The following PLCG2 variants were observed in gnomAD, a reference collection of about 807,000 sequenced individuals.
PLCG2 encodes 1-phosphatidylinositol 4,5-bisphosphate phosphodiesterase gamma-2.
A neutral mutation model predicts 175.6 loss-of-function variants in PLCG2; 69 were observed. The observed-to-expected ratio is 0.39, with a 90% confidence interval of 0.32 to 0.48. The LOEUF (loss-of-function observed/expected upper bound fraction) is 0.48, where lower values mean the gene tolerates loss of function less well. PLCG2 is among the 20% of genes least tolerant of loss of function. The pLI, the probability that PLCG2 is intolerant of heterozygous loss-of-function variation, is 0.91. For synonymous variants in PLCG2, 827 were observed against 624.0 expected, an observed-to-expected ratio of 1.33 and a Z score of -4.85; for missense variants, 1,798 against 1,650.9, an observed-to-expected ratio of 1.09 and a Z score of -1.54.
chr16:81,948,872 G>A (rs1444993074), intron 31 of PLCG2, among the ~76,000 whole-genome samples: 1 of 152,176 alleles, frequency 6.6e-6, no homozygotes, highest in African/African-American at 2.4e-5. Flanking sequence ...ACAGACTAAG[G>A]TACACACCTG....
At chr16:81,888,557 A>G (rs547179548) in intron 9 of PLCG2, among the ~76,000 whole-genome samples, 68 of 152,312 alleles carry the variant, frequency 4.5e-4, no homozygotes, top group African/African-American at 1.5e-3. Context: ...ATTTTATACA[A>G]TGCTTCATAC....
intron 31 of PLCG2, among the ~76,000 whole-genome samples, chr16:81,952,519 T>C (rs114180406): frequency 0.026 from 3,994 of 151,878 alleles, 198 homozygotes; most frequent in African/African-American, 0.092. Flanking sequence ...TTTCAGTAAA[T>C]AAAGAAGTGC....
intron 5 of PLCG2, among the ~76,000 whole-genome samples, chr16:81,864,938 T>A (rs1907156275): frequency 6.6e-6 from 1 of 152,022 alleles, no homozygotes; most frequent in Non-Finnish European, 1.5e-5. Flanking sequence ...TCCAAAGGGA[T>A]TCCCTTGTTT....
intron 2 of PLCG2, among the ~76,000 whole-genome samples, chr16:81,807,851 G>C (rs116405351): frequency 0.026 from 4,030 of 152,218 alleles, 155 homozygotes; most frequent in African/African-American, 0.094. Flanking sequence ...GAGAGAGAGG[G>C]AGGGAGGTGC....
At chr16:81,867,173 G>A (rs1301098077) in intron 5 of PLCG2, among the ~76,000 whole-genome samples, 1 of 152,232 alleles carries the variant, frequency 6.6e-6, no homozygotes, top group Non-Finnish European at 1.5e-5. Flanking sequence ...CTCCAGGGCA[G>A]CGGCTGGGCA....
At chr16:81,946,358 C>G (rs1478014728) in intron 31 of PLCG2, 95 bp downstream of exon 31, 2 of 872,468 alleles carry the variant, frequency 2.3e-6, no homozygotes, top group Non-Finnish European at 3.9e-6. Flanking sequence ...TGGACTTAAG[C>G]CCATTCAGAA....
chr16:81,868,413 T>C (rs536767523), intron 5 of PLCG2, among the ~76,000 whole-genome samples: 1 of 152,298 alleles, frequency 6.6e-6, no homozygotes, highest in East Asian at 1.9e-4. Flanking sequence ...CCCCACTTAC[T>C]CTGCATCCCT....
At chr16:81,786,395 A>T (rs1489687861) in intron 2 of PLCG2, among the ~76,000 whole-genome samples, 1 of 152,196 alleles carries the variant, frequency 6.6e-6, no homozygotes, top group Non-Finnish European at 1.5e-5. Flanking sequence ...CTGGTGAAAG[A>T]ACTGAAGCTG....
At chr16:81,771,326 C>A (rs1284815331) in intron 2 of PLCG2, among the ~76,000 whole-genome samples, 3 of 152,168 alleles carry the variant, frequency 2.0e-5, no homozygotes, top group Non-Finnish European at 4.4e-5. Context: ...CGCCTGTGCT[C>A]AAGGGATCCT....
intron 2 of PLCG2, among the ~76,000 whole-genome samples, chr16:81,821,989 T>C (rs1904820571): frequency 6.6e-6 from 1 of 152,188 alleles, no homozygotes. Context: ...TCGCTGAGCC[T>C]TCTCTTTTCC....
At chr16:81,820,682 G>A (rs1186466270) in intron 2 of PLCG2, among the ~76,000 whole-genome samples, 3 of 151,960 alleles carry the variant, frequency 2.0e-5, no homozygotes, top group Non-Finnish European at 2.9e-5. Flanking sequence ...GTGCAGTGGC[G>A]CAATCTTGGC....
At chr16:81,937,686 C>A in intron 27 of PLCG2, 72 bp from the exon 28 acceptor site, 1 of 1,374,278 alleles carries the variant, frequency 7.3e-7, no homozygotes, top group Non-Finnish European at 1.0e-6. Flanking sequence ...CATTCCCCAC[C>A]TAGAAACTCC....
chr16:81,900,746 C>T lies in PLCG2; in HGVS notation c.1328C>T (p.Ser443Leu), dbSNP rs749548361. ...GAGGCCAGTGCTGACCAGCTGCCCT[C>T]GCCCAGCCAGCTGCGGGAGAAGATC... is the stretch of plus-strand genomic sequence containing the variant. The part of the protein sequence containing the change: ...PTEASADQLP[S>L]PSQLREKIII... The change falls in exon 14 of 33, where the codon TCG becomes TTG. Residue 443 changes from serine (S) to leucine (L), a missense_variant. By Grantham distance (145) the Ser-to-Leu change is moderately radical. Coordinates refer to ENST00000564138, the MANE Select transcript of PLCG2 (RefSeq NM_002661.5). The T allele has an allele frequency of 6.2e-7, 1 of 1,604,838 alleles. No homozygotes were observed. The highest frequency in any genetic ancestry group is 8.5e-7 in the Non-Finnish European group (1 of 1,172,272).
intron 31 of PLCG2, among the ~76,000 whole-genome samples, chr16:81,950,052 T>A (rs1682867790): frequency 6.6e-6 from 1 of 152,138 alleles, no homozygotes; most frequent in Non-Finnish European, 1.5e-5. Context: ...AACATAAACT[T>A]GACCAAGAGA....
chr16:81,909,278 C>T (rs1352240862), intron 17 of PLCG2, among the ~76,000 whole-genome samples: 4 of 152,042 alleles, frequency 2.6e-5, no homozygotes, highest in African/African-American at 9.7e-5. Flanking sequence ...GGACATCCCT[C>T]CCTTTATTGG....
chr16:81,829,259 C>A (rs189140652), intron 2 of PLCG2, among the ~76,000 whole-genome samples: 3 of 152,146 alleles, frequency 2.0e-5, no homozygotes, highest in Non-Finnish European at 4.4e-5. Context: ...CATGCACACA[C>A]CAACGTGCCC....
At chr16:81,754,949 A>C (rs1909891053) in intron 1 of PLCG2, among the ~76,000 whole-genome samples, 1 of 152,182 alleles carries the variant, frequency 6.6e-6, no homozygotes, top group East Asian at 1.9e-4. Flanking sequence ...GTGCAAAGTG[A>C]GAGAACATTG....
intron 14 of PLCG2, among the ~76,000 whole-genome samples, chr16:81,902,211 G>A (rs951845427): frequency 6.6e-6 from 1 of 152,210 alleles, no homozygotes; most frequent in South Asian, 2.1e-4. Context: ...TGGAAGGAGC[G>A]AGTGTGAATT....
upstream of PLCG2, among the ~76,000 whole-genome samples, chr16:81,778,328 C>A (rs181762692): frequency 2.2e-4 from 33 of 152,224 alleles, 1 homozygote; most frequent in East Asian, 3.5e-3. Flanking sequence ...TATGATGGCA[C>A]CACTGCACTC....
Sources: allele counts gnomAD v4.1 joint callset (sites outside exome capture counted in the v4.1 genomes callset), GRCh38; gene constraint gnomAD v4.1.1; transcripts MANE v1.5; gene names NCBI Gene and HGNC (gene_info 2026-07-23, HGNC 2026-07-21).